KCNIP4: variants seen among roughly 807,000 people sequenced by gnomAD.
The protein encoded by KCNIP4 is Kv channel-interacting protein 4.
In KCNIP4, 12 loss-of-function variants were observed where a neutral mutation model predicts 34.0. The observed-to-expected ratio is 0.35, with a 90% CI of 0.23 to 0.57. The LOEUF is 0.57. KCNIP4 is among the 20% of genes least tolerant of loss of function. The pLI, the probability that KCNIP4 is intolerant of heterozygous loss-of-function variation, is 0.83. For missense variants in KCNIP4, 238 were observed against 311.7 expected (o/e 0.76, Z 1.78); for synonymous variants, 124 against 102.2 (o/e 1.21, Z -1.29).
chr4:21,912,744 A>G (rs1180854340), intron 1 of KCNIP4, among the ~76,000 whole-genome samples: 1 of 151,938 alleles, frequency 6.6e-6, no homozygotes, highest in Admixed American at 6.6e-5. Context: ...CAGAGAAAGC[A>G]AAGAGTGGTG....
intron 3 of KCNIP4, among the ~76,000 whole-genome samples, chr4:20,801,636 G>A (rs564780711): frequency 1.3e-4 from 20 of 152,146 alleles, no homozygotes; most frequent in South Asian, 8.3e-4. Context: ...AAAACTATAA[G>A]ATGTTTTATG....
At chr4:21,602,812 T>A (rs1743302874) in intron 1 of KCNIP4, among the ~76,000 whole-genome samples, 1 of 152,134 alleles carries the variant, frequency 6.6e-6, no homozygotes, top group Admixed American at 6.6e-5. Context: ...TCAAATATAA[T>A]GCTTAGTTCA....
intron 1 of KCNIP4, among the ~76,000 whole-genome samples, chr4:20,946,667 C>T (rs1732222360): frequency 6.6e-6 from 1 of 152,052 alleles, no homozygotes; most frequent in Admixed American, 6.6e-5. Flanking sequence ...TCTTTTCCTC[C>T]CTTCAGGTTT....
chr4:21,315,639 T>C (rs1039153464), intron 1 of KCNIP4, among the ~76,000 whole-genome samples: 5 of 152,182 alleles, frequency 3.3e-5, no homozygotes, highest in African/African-American at 1.2e-4. Context: ...ATAAATACTA[T>C]TGTTATTGAC....
At chr4:21,933,339 C>T (rs914519906) in intron 1 of KCNIP4, among the ~76,000 whole-genome samples, 2 of 151,988 alleles carry the variant, frequency 1.3e-5, no homozygotes, top group South Asian at 4.1e-4. Flanking sequence ...TCTTTTGTCA[C>T]TTGCTGTCTT....
intron 1 of KCNIP4, among the ~76,000 whole-genome samples, chr4:21,790,063 C>T (rs373772191): frequency 7.9e-5 from 12 of 152,184 alleles, no homozygotes; most frequent in South Asian, 4.1e-4. Flanking sequence ...TGTCATTTAA[C>T]GGAAAGAGCT....
At chr4:21,542,608 A>G (rs2109001311) in intron 1 of KCNIP4, among the ~76,000 whole-genome samples, 1 of 151,848 alleles carries the variant, frequency 6.6e-6, no homozygotes, top group African/African-American at 2.4e-5. Flanking sequence ...ATACAATGTA[A>G]AACAAAAGTG....
At chr4:21,109,078 C>A (rs1484628427) in intron 1 of KCNIP4, among the ~76,000 whole-genome samples, 1 of 142,920 alleles carries the variant, frequency 7.0e-6, no homozygotes, top group Non-Finnish European at 1.6e-5. Context: ...AGGCAGTCTG[C>A]CCGTTCTCAG....
chr4:20,907,141 T>C (rs993043290), intron 1 of KCNIP4, among the ~76,000 whole-genome samples: 2 of 152,136 alleles, frequency 1.3e-5, no homozygotes, highest in African/African-American at 4.8e-5. Flanking sequence ...GACACACAAA[T>C]ATAACAAAAT....
intron 3 of KCNIP4, among the ~76,000 whole-genome samples, chr4:20,845,228 G>A (rs1320253689): frequency 1.3e-5 from 2 of 152,132 alleles, no homozygotes; most frequent in Non-Finnish European, 2.9e-5. Flanking sequence ...CAAATTCTGG[G>A]AGCCAGAAAG....
chr4:21,809,864 A>T (rs961556456), intron 1 of KCNIP4, among the ~76,000 whole-genome samples: 20 of 152,228 alleles, frequency 1.3e-4, no homozygotes, highest in African/African-American at 4.6e-4. Flanking sequence ...ACGATTCACA[A>T]GGGAATTAAT....
intron 1 of KCNIP4, among the ~76,000 whole-genome samples, chr4:21,702,569 G>C (rs1043326908): frequency 1.3e-5 from 2 of 151,744 alleles, no homozygotes; most frequent in African/African-American, 4.8e-5. Flanking sequence ...AATTTGAATA[G>C]CTTTATACCT....
intron 1 of KCNIP4, among the ~76,000 whole-genome samples, chr4:21,710,585 C>T (rs911087037): frequency 6.6e-6 from 1 of 152,164 alleles, no homozygotes; most frequent in Admixed American, 6.5e-5. Flanking sequence ...GCAGATCCAG[C>T]CACAGCTGAC....
chr4:20,769,013 T>C (rs1755645957), intron 3 of KCNIP4, among the ~76,000 whole-genome samples: 1 of 141,218 alleles, frequency 7.1e-6, no homozygotes, highest in African/African-American at 2.7e-5. Flanking sequence ...AAAGGTTCTC[T>C]CCCCTTCAGT....
At chr4:21,349,300 A>G (rs1717769902) in intron 1 of KCNIP4, among the ~76,000 whole-genome samples, 1 of 152,128 alleles carries the variant, frequency 6.6e-6, no homozygotes, top group Non-Finnish European at 1.5e-5. Flanking sequence ...TCCAACCTAT[A>G]TTGAGTGCCT....
At chr4:21,508,095 C>A (rs2109912204) in intron 1 of KCNIP4, among the ~76,000 whole-genome samples, 1 of 152,294 alleles carries the variant, frequency 6.6e-6, no homozygotes, top group Middle Eastern at 3.4e-3. Context: ...AACACCATAG[C>A]ATCTGCCCTT....
chr4:21,004,859 A>G (rs929416191), intron 1 of KCNIP4, among the ~76,000 whole-genome samples: 3 of 152,010 alleles, frequency 2.0e-5, no homozygotes, highest in Admixed American at 6.6e-5. Context: ...TACGGGATTC[A>G]AAAATGCTAA....
At chr4:20,945,282 C>A (rs1431553542) in intron 1 of KCNIP4, among the ~76,000 whole-genome samples, 1 of 152,166 alleles carries the variant, frequency 6.6e-6, no homozygotes, top group African/African-American at 2.4e-5. Context: ...GGTCATTCAA[C>A]CATCTTATTT....
chr4:20,899,989 T>G (rs1726993059), intron 1 of KCNIP4, among the ~76,000 whole-genome samples: 1 of 152,202 alleles, frequency 6.6e-6, no homozygotes, highest in Non-Finnish European at 1.5e-5. Context: ...GCTTAGGACT[T>G]ATTAAGTCTG....
Sources: allele counts gnomAD v4.1 joint callset (sites outside exome capture counted in the v4.1 genomes callset), GRCh38; gene constraint gnomAD v4.1.1; transcripts MANE v1.5; gene names NCBI Gene and HGNC (gene_info 2026-07-23, HGNC 2026-07-21).